TENM1: variants seen among roughly 807,000 people sequenced by gnomAD.
The protein encoded by TENM1 is teneurin-1.
Under a neutral mutation model 174.8 loss-of-function variants are expected in TENM1, and 35 were observed. The observed-to-expected ratio is 0.20, with a 90% CI of 0.15 to 0.27. The LOEUF (loss-of-function observed/expected upper bound fraction) is 0.27. TENM1 is among the 10% of genes least tolerant of loss of function. The probability of loss-of-function intolerance (pLI) is 1.00; values close to 1 mark genes in which losing one functional copy is unlikely to be tolerated. For missense variants in TENM1, 1,633 were observed against 2,130.1 expected, an observed-to-expected ratio of 0.77 and a Z score of 4.59; for synonymous variants, 781 against 798.7, an observed-to-expected ratio of 0.98 and a Z score of 0.37.
chrX:124,747,714 A>G (rs753482042), intron 3 of TENM1, among the ~76,000 whole-genome samples: 10 of 109,815 alleles, frequency 9.1e-5, no homozygotes, highest in Non-Finnish European at 1.7e-4. Flanking sequence ...TATGTGAAAC[A>G]GTTTCTCAGA....
intron 3 of TENM1, among the ~76,000 whole-genome samples, chrX:124,867,228 C>A (rs958244491): frequency 1.8e-5 from 2 of 111,264 alleles, no homozygotes; most frequent in African/African-American, 3.3e-5. Context: ...AATATTGATG[C>A]AAAAATCTTC....
intron 25 of TENM1, among the ~76,000 whole-genome samples, chrX:124,412,671 G>A (rs1287799285): frequency 3.6e-5 from 4 of 112,513 alleles, no homozygotes; most frequent in African/African-American, 6.5e-5. Context: ...GGCTTCCTAT[G>A]ATTCAGTTCC....
chrX:124,873,407 T>C (rs1316494817), intron 3 of TENM1, among the ~76,000 whole-genome samples: 1 of 111,956 alleles, frequency 8.9e-6, no homozygotes, highest in Non-Finnish European at 1.9e-5. Flanking sequence ...GTGGACATCA[T>C]CATTTTCAAA....
the TENM1 span, among the ~76,000 whole-genome samples, chrX:125,069,970 C>A: frequency 4.3e-4 from 47 of 109,882 alleles, no homozygotes; most frequent in Non-Finnish European, 1.1e-4. Flanking sequence ...ACTCCCAGCA[C>A]TTGAGGCCAG....
chrX:124,490,136 T>C (rs2047035582), intron 20 of TENM1, among the ~76,000 whole-genome samples: 1 of 111,935 alleles, frequency 8.9e-6, no homozygotes, highest in Admixed American at 9.5e-5. Flanking sequence ...GAGGTTCATG[T>C]TTTCGGAAAT....
At chrX:124,529,944 A>T in exon 16 of TENM1, 2 of 1,210,698 alleles carry the variant, frequency 1.7e-6, no homozygotes, top group Non-Finnish European at 2.2e-6. Context: ...GAGGAGTTCC[A>T]TCTATGGCCA....
chrX:125,128,494 A>G, the TENM1 span, among the ~76,000 whole-genome samples: 1 of 111,791 alleles, frequency 8.9e-6, no homozygotes, highest in African/African-American at 3.2e-5. Flanking sequence ...GGTTGACTGC[A>G]TTTCTCAGCT....
intron 14 of TENM1, among the ~76,000 whole-genome samples, chrX:124,550,929 T>G (rs1265220670): frequency 9.0e-6 from 1 of 111,447 alleles, no homozygotes. Context: ...CAGCTAACTT[T>G]TTGTATTTTT....
At chrX:124,488,783 T>C (rs2047004673) in intron 20 of TENM1, among the ~76,000 whole-genome samples, 1 of 112,186 alleles carries the variant, frequency 8.9e-6, no homozygotes, top group Non-Finnish European at 1.9e-5. Context: ...AAGGATCTCA[T>C]TAAAATATGG....
rs754099073 is a variant in TENM1, at chrX:124,555,319, C to A, written c.2434+6352G>T. 4.5e-5 allele frequency among the ~76,000 whole-genome samples: 5 copies of A among 111,711 alleles called. No homozygotes were observed. The East Asian group carries it at 1.4e-3, about 31-fold the overall frequency. On this transcript the variant is annotated intron_variant, in intron 14 of 31. Transcript: ENST00000422452. ...CTCATGTGAGGCCTCTCTCACCACC[C>A]AGACTAGGTCAGGTCCCCATGCACA...
At chrX:124,676,259 TA>T (rs1429452023) in intron 5 of TENM1, among the ~76,000 whole-genome samples, 1 of 369 alleles carries the variant, frequency 2.7e-3, no homozygotes, top group East Asian at 0.048. Flanking sequence ...ATATATAAAA[TA>T]TATATATATA....
intron 3 of TENM1, among the ~76,000 whole-genome samples, chrX:124,747,177 A>G (rs1221640774): frequency 9.3e-6 from 1 of 107,580 alleles, no homozygotes; most frequent in Non-Finnish European, 1.9e-5. Flanking sequence ...ATAAATAAAT[A>G]AATAAAATTA....
At chrX:124,982,270 G>GAAAAAAAAAAAAAAAAAAA in the TENM1 span, among the ~76,000 whole-genome samples, 1 of 10,541 alleles carries the variant, frequency 9.5e-5, no homozygotes, top group African/African-American at 8.1e-4. Flanking sequence ...AAGAAAATGT[G>GAAAAAAAAAAAAAAAAAAA]AAAAAAAAAA....
chrX:124,916,218 G>A (rs1175677538), intron 1 of TENM1, among the ~76,000 whole-genome samples: 1 of 111,887 alleles, frequency 8.9e-6, no homozygotes, highest in Non-Finnish European at 1.9e-5. Context: ...AATTATAATT[G>A]TTTAAGGGGT....
At chrX:124,465,409 T>C (rs750174430) in intron 22 of TENM1, among the ~76,000 whole-genome samples, 2 of 110,679 alleles carry the variant, frequency 1.8e-5, no homozygotes, top group Non-Finnish European at 3.8e-5. Flanking sequence ...ACACCACACC[T>C]GGCAAATTAA....
chrX:125,036,136 T>C, the TENM1 span, among the ~76,000 whole-genome samples: 1 of 111,685 alleles, frequency 9.0e-6, no homozygotes. Context: ...CCTAAATAAA[T>C]GTAAATGTAT....
chrX:124,457,069 C>T (rs1038892771), intron 22 of TENM1, among the ~76,000 whole-genome samples: 4 of 111,771 alleles, frequency 3.6e-5, no homozygotes, highest in Admixed American at 9.5e-5. Context: ...AAGGTTAGGC[C>T]GTGATGCAAG....
At chrX:124,487,804 C>T (rs1387246123) in intron 20 of TENM1, among the ~76,000 whole-genome samples, 1 of 111,824 alleles carries the variant, frequency 8.9e-6, no homozygotes, top group Non-Finnish European at 1.9e-5. Context: ...CATCCCAACA[C>T]TAACCCTAAG....
chrX:124,747,016 G>A (rs2053935236), intron 3 of TENM1, among the ~76,000 whole-genome samples: 2 of 109,730 alleles, frequency 1.8e-5, no homozygotes, highest in South Asian at 4.0e-4. Context: ...GCTGGACATA[G>A]TGGCACGTTC....
Sources: gnomAD v4.1 joint callset for allele counts (sites outside exome capture counted in the v4.1 genomes callset) on GRCh38, gnomAD v4.1.1 for gene constraint, MANE v1.5 for transcripts, NCBI Gene and HGNC (gene_info 2026-07-23, HGNC 2026-07-21) for gene names.